PLXNA4: variants seen among roughly 807,000 people sequenced by gnomAD.
PLXNA4 encodes the protein plexin A4.
PLXNA4 carries 44 observed loss-of-function variants against 191.8 expected under a neutral mutation model. That is an observed-to-expected ratio of 0.23 (90% confidence interval 0.18 to 0.29). The LOEUF (loss-of-function observed/expected upper bound fraction) is 0.29. Among genes scored for constraint, PLXNA4 ranks in the 10% least tolerant of loss-of-function variants. The probability of loss-of-function intolerance (pLI) is 1.00; values close to 1 mark genes in which losing one functional copy is unlikely to be tolerated. For missense variants in PLXNA4, 1,800 were observed against 2,488.8 expected, an observed-to-expected ratio of 0.72 and a Z score of 5.89; for synonymous variants, 1,082 against 1,009.5, an observed-to-expected ratio of 1.07 and a Z score of -1.36.
chr7:132,534,027 G>A (rs1381831509), intron 1 of PLXNA4, among the ~76,000 whole-genome samples: 3 of 152,094 alleles, frequency 2.0e-5, no homozygotes, highest in Non-Finnish European at 2.9e-5. Context: ...AGTGAAGGCT[G>A]AAGAAAGGGA....
chr7:132,190,852 T>C (rs1047970703), intron 14 of PLXNA4, among the ~76,000 whole-genome samples: 1 of 151,990 alleles, frequency 6.6e-6, no homozygotes, highest in Non-Finnish European at 1.5e-5. Context: ...GACTGACTGG[T>C]TTGACGAGGA....
intron 1 of PLXNA4, among the ~76,000 whole-genome samples, chr7:132,554,670 T>A (rs890405): frequency 2.0e-5 from 3 of 152,162 alleles, no homozygotes; most frequent in Non-Finnish European, 4.4e-5. Context: ...CTGGCTGGCT[T>A]TACACAGGAG....
intron 5 of PLXNA4, among the ~76,000 whole-genome samples, chr7:132,228,756 T>G (rs1798422221): frequency 6.6e-6 from 1 of 152,252 alleles, no homozygotes; most frequent in Non-Finnish European, 1.5e-5. Flanking sequence ...GTTCTGTCTA[T>G]TCACCCTCTC....
chr7:132,175,863 G>A lies in PLXNA4; in HGVS notation c.3875-943C>T, dbSNP rs1328626517. ...GGATGGATTAACACATGCTGGCAAAGAAGAACAGCCAGTGGGCATTAACTA... is the reference window on the plus strand; with the variant it reads ...GGATGGATTAACACATGCTGGCAAAAAAGAACAGCCAGTGGGCATTAACTA... On this transcript the variant is annotated intron_variant, in intron 20 of 31. Coordinates refer to ENST00000321063, the MANE Select transcript of PLXNA4 (RefSeq NM_020911.2). Among the ~76,000 whole-genome samples the A allele has an allele frequency of 2.0e-5, 3 of 152,222 alleles. No individual in the cohort carries two copies. The East Asian group carries it at 5.8e-4, about 29-fold the overall frequency.
In PLXNA4 at chr7:132,223,561, C is replaced by T; in HGVS notation, c.2063G>A (p.Cys688Tyr). 1 of 1,613,620 alleles carries T rather than the reference C, an allele frequency of 6.2e-7. No individual in the cohort carries two copies. Among genetic ancestry groups the T allele is most frequent in the Non-Finnish European group, 8.5e-7 (1 of 1,179,816 alleles). ...CTTCACTCGGCCTTCCTGGAAGGAG[C>T]AGGTCTTGGGGTCATGGGTGCAGAC... ...RHVCTHDPKT[C>Y]SFQEGRVKLP... is the part of the protein sequence containing the mutation. The change falls in exon 9 of 32, where the codon TGC (cysteine) becomes TAC (tyrosine). Residue 688 changes from cysteine (C) to tyrosine (Y), a missense_variant. This residue lies in a region of PLXNA4 where 1,397 missense variants were observed against 1,880.4 expected (regional missense o/e 0.74). Coordinates refer to ENST00000321063, the MANE Select transcript of PLXNA4 (RefSeq NM_020911.2).
chr7:132,484,663 A>AT, intron 3 of PLXNA4: 2 of 1,298,622 alleles, frequency 1.5e-6, no homozygotes, highest in Non-Finnish European at 2.1e-6. Flanking sequence ...TCAAATACAT[A>AT]TGCCCTCTGC....
intron 5 of PLXNA4, among the ~76,000 whole-genome samples, chr7:132,236,100 G>A (rs544965452): frequency 6.6e-6 from 1 of 152,286 alleles, no homozygotes; most frequent in African/African-American, 2.4e-5. Context: ...ATTGAGAGTA[G>A]CAGGAGAGAG....
chr7:132,282,194 C>T (rs1239687560), intron 4 of PLXNA4, among the ~76,000 whole-genome samples: 6 of 152,112 alleles, frequency 3.9e-5, no homozygotes, highest in Admixed American at 3.9e-4. Context: ...GGTACATGTG[C>T]ACAATGTGCA....
At chr7:132,149,288 T>C (rs1296471063) in intron 25 of PLXNA4, among the ~76,000 whole-genome samples, 1 of 152,182 alleles carries the variant, frequency 6.6e-6, no homozygotes, top group Non-Finnish European at 1.5e-5. Context: ...TTGTTTGATG[T>C]TACAAGGATA....
At chr7:132,587,972 T>G (rs1355527955) in intron 2 of PLXNA4, among the ~76,000 whole-genome samples, 7 of 152,046 alleles carry the variant, frequency 4.6e-5, no homozygotes, top group Admixed American at 4.6e-4. Flanking sequence ...TCTTTCTTCA[T>G]TCTATGTCCA....
intron 3 of PLXNA4, among the ~76,000 whole-genome samples, chr7:132,338,683 A>C (rs1437545383): frequency 6.6e-6 from 1 of 152,170 alleles, no homozygotes; most frequent in East Asian, 1.9e-4. Flanking sequence ...ACATTCAATA[A>C]ATAATTACTT....
Position 132,504,959 on chromosome 7 carries a change from G to T in PLXNA4, c.1188+2547C>A, listed in dbSNP as rs533620776. Among the ~76,000 whole-genome samples the T allele has an allele frequency of 2.0e-5, 3 of 152,214 alleles. No homozygotes were observed. In the East Asian group the frequency reaches 5.8e-4, roughly 29 times the overall value. The stretch of plus-strand genomic sequence containing the variant: ...GGTCTGAGCCGACTCCAAAGGAATC[G>T]TAACAGGAGGGTGGGAGCAAAGGAA... On this transcript the variant is annotated intron_variant, in intron 2 of 31. Coordinates refer to ENST00000321063, the MANE Select transcript of PLXNA4 (RefSeq NM_020911.2).
chr7:132,311,756 T>C (rs1801752268), intron 3 of PLXNA4, among the ~76,000 whole-genome samples: 1 of 152,144 alleles, frequency 6.6e-6, no homozygotes, highest in African/African-American at 2.4e-5. Context: ...CTTGGAACTA[T>C]CACAAATGAG....
chr7:132,206,878 C>T (rs1440371526), intron 10 of PLXNA4, among the ~76,000 whole-genome samples: 4 of 152,114 alleles, frequency 2.6e-5, no homozygotes, highest in Non-Finnish European at 4.4e-5. Context: ...AAGCTCAGAG[C>T]CCAGGGAGGA....
chr7:132,615,881 C>T (rs981642666), intron 2 of PLXNA4, among the ~76,000 whole-genome samples: 1 of 150,534 alleles, frequency 6.6e-6, no homozygotes, highest in Non-Finnish European at 1.5e-5. Flanking sequence ...TCTCCCCTCT[C>T]CCTTCTCCCC....
chr7:132,305,255 A>T (rs1467835244), intron 3 of PLXNA4, among the ~76,000 whole-genome samples: 1 of 152,160 alleles, frequency 6.6e-6, no homozygotes, highest in African/African-American at 2.4e-5. Context: ...GTGAGGCCAC[A>T]TGAGCACTTA....
At chr7:132,561,479 T>C (rs866857515) in intron 1 of PLXNA4, among the ~76,000 whole-genome samples, 3 of 108,538 alleles carry the variant, frequency 2.8e-5, no homozygotes, top group South Asian at 3.7e-4. Flanking sequence ...TCCTCCTTCT[T>C]CTCCTCCTCC....
intron 3 of PLXNA4, among the ~76,000 whole-genome samples, chr7:132,399,032 G>A (rs1793873000): frequency 6.6e-6 from 1 of 152,170 alleles, no homozygotes; most frequent in African/African-American, 2.4e-5. Context: ...GGCTGGATAA[G>A]GGTTTTAGAA....
chr7:132,395,032 A>G (rs1793699340), intron 3 of PLXNA4, among the ~76,000 whole-genome samples: 1 of 152,248 alleles, frequency 6.6e-6, no homozygotes, highest in African/African-American at 2.4e-5. Context: ...CTCCAGCGAA[A>G]GTGAAGCTGC....
Sources: gnomAD v4.1 joint callset for allele counts (sites outside exome capture counted in the v4.1 genomes callset) on GRCh38, gnomAD v4.1.1 for gene constraint, gnomAD v4.1.1 regional missense constraint, MANE v1.5 for transcripts, NCBI Gene and HGNC (gene_info 2026-07-23, HGNC 2026-07-21) for gene names.